The following CDIN1 variants were observed in gnomAD, a reference collection of about 807,000 sequenced individuals.
CDIN1 encodes the protein CDAN1-interacting nuclease 1.
CDIN1 carries 33 observed loss-of-function variants against 45.3 expected under a neutral mutation model. The ratio of observed to expected loss-of-function variants is 0.73; its 90% CI spans 0.55 to 0.97. The LOEUF is 0.97. CDIN1 is among the 50% of genes least tolerant of loss of function. CDIN1 has a pLI of 0.00. For synonymous variants in CDIN1, 118 were observed against 124.4 expected, an observed-to-expected ratio of 0.95 and a Z score of 0.34; for missense variants, 303 against 339.4, an observed-to-expected ratio of 0.89 and a Z score of 0.84.
chr15:36,648,219 T>G (rs543250007), intron 3 of CDIN1, among the ~76,000 whole-genome samples: 24 of 152,142 alleles, frequency 1.6e-4, no homozygotes. Context: ...CATTTTAGTC[T>G]TTTGTCAGCC....
chr15:36,666,984 G>A (rs933101178), intron 5 of CDIN1, among the ~76,000 whole-genome samples: 3 of 152,322 alleles, frequency 2.0e-5, no homozygotes, highest in East Asian at 3.9e-4. Context: ...GGCAACCGAG[G>A]TACCCAGAGC....
chr15:36,756,778 C>A (rs2053619745), intron 10 of CDIN1, among the ~76,000 whole-genome samples: 1 of 152,134 alleles, frequency 6.6e-6, no homozygotes, highest in African/African-American at 2.4e-5. Context: ...TAACCACACT[C>A]CCTTTCTTTC....
intron 10 of CDIN1, among the ~76,000 whole-genome samples, chr15:36,763,246 A>G (rs2053822784): frequency 6.6e-6 from 1 of 152,128 alleles, no homozygotes; most frequent in Non-Finnish European, 1.5e-5. Flanking sequence ...ATGGCCAGGG[A>G]TGATGAGCAT....
At chr15:36,752,911 G>A (rs2053513767) in intron 10 of CDIN1, among the ~76,000 whole-genome samples, 1 of 152,190 alleles carries the variant, frequency 6.6e-6, no homozygotes. Flanking sequence ...TGTCAATTGT[G>A]AGATTGATGG....
intron 10 of CDIN1, among the ~76,000 whole-genome samples, chr15:36,787,506 G>A (rs1471027271): frequency 6.6e-6 from 1 of 152,160 alleles, no homozygotes; most frequent in Non-Finnish European, 1.5e-5. Context: ...ATAGTCACTT[G>A]TATACAGTTT....
intron 10 of CDIN1, among the ~76,000 whole-genome samples, chr15:36,774,411 A>G (rs951567677): frequency 6.6e-6 from 1 of 152,112 alleles, no homozygotes; most frequent in Non-Finnish European, 1.5e-5. Flanking sequence ...CTAAAATTTT[A>G]AAAGTAATTC....
At chr15:36,628,001 T>TA (rs1417400360) in intron 1 of CDIN1, among the ~76,000 whole-genome samples, 1 of 151,828 alleles carries the variant, frequency 6.6e-6, no homozygotes, top group African/African-American at 2.4e-5. Context: ...CTGGCTACAG[T>TA]AAATGTGTGA....
At chr15:36,622,155 C>T (rs1372677787) in intron 1 of CDIN1, among the ~76,000 whole-genome samples, 1 of 152,114 alleles carries the variant, frequency 6.6e-6, no homozygotes, top group Non-Finnish European at 1.5e-5. Flanking sequence ...TGATCTTTTT[C>T]ATTGTGCTTA....
intron 8 of CDIN1, among the ~76,000 whole-genome samples, chr15:36,700,236 C>T (rs2042582969): frequency 6.6e-6 from 1 of 152,084 alleles, no homozygotes; most frequent in Non-Finnish European, 1.5e-5. Context: ...CTAGTTAGTA[C>T]AAAGTGATTG....
chr15:36,645,708 A>G (rs1422144362), intron 3 of CDIN1, among the ~76,000 whole-genome samples: 1 of 152,108 alleles, frequency 6.6e-6, no homozygotes, highest in Non-Finnish European at 1.5e-5. Context: ...AAAAAAGAAG[A>G]TTGAATTTGG....
intron 10 of CDIN1, among the ~76,000 whole-genome samples, chr15:36,775,319 C>T (rs2054191599): frequency 1.3e-5 from 2 of 152,214 alleles, no homozygotes; most frequent in Non-Finnish European, 2.9e-5. Context: ...GATCATGTTG[C>T]ATTTTAATTT....
At position 36,707,616 on chromosome 15, in the gene CDIN1, T is replaced by A. The variant is rs192495558; in HGVS notation, c.545-1607T>A. 5 of 152,318 alleles carry A rather than the reference T, an allele frequency of 3.3e-5. No homozygotes were observed. In the East Asian group the frequency reaches 9.7e-4, roughly 29 times the overall value. 9.4% of individuals were successfully genotyped at this position (152,318 alleles called of 1,614,324 possible). ...TTTTGCACTGTTATCAGAAACGTAA[T>A]CATTTTTCTTTCTGAAGCAGATTTT... On this transcript the variant is annotated intron_variant, in intron 8 of 10. Coordinates refer to ENST00000566621, the MANE Select transcript of CDIN1 (RefSeq NM_001321759.2).
At chr15:36,738,843 G>A (rs575469154) in intron 10 of CDIN1, among the ~76,000 whole-genome samples, 1 of 152,238 alleles carries the variant, frequency 6.6e-6, no homozygotes, top group South Asian at 2.1e-4. Context: ...AGGGATTTTT[G>A]TCTGTTTTGT....
intron 10 of CDIN1, among the ~76,000 whole-genome samples, chr15:36,797,185 A>G (rs1463592523): frequency 6.6e-6 from 1 of 152,240 alleles, no homozygotes; most frequent in Non-Finnish European, 1.5e-5. Flanking sequence ...TGTGTCATAT[A>G]CAAATACAGT....
intron 1 of CDIN1, among the ~76,000 whole-genome samples, chr15:36,593,342 A>G (rs1006194576): frequency 6.6e-6 from 1 of 152,180 alleles, no homozygotes; most frequent in African/African-American, 2.4e-5. Context: ...GAAGGGGGTT[A>G]TGCATTTATG....
At chr15:36,727,527 A>C (rs181676823) in intron 10 of CDIN1, among the ~76,000 whole-genome samples, 85 of 152,258 alleles carry the variant, frequency 5.6e-4, no homozygotes, top group Admixed American at 3.2e-3. Context: ...ATGGCTAGAG[A>C]ATCAGTGGAC....
At chr15:36,710,376 A>T (rs139428866) in intron 10 of CDIN1, among the ~76,000 whole-genome samples, 145 of 152,320 alleles carry the variant, frequency 9.5e-4, no homozygotes, top group Middle Eastern at 3.4e-3. Flanking sequence ...AAAGATGGAA[A>T]TAATACACCT....
intron 1 of CDIN1, among the ~76,000 whole-genome samples, chr15:36,619,755 C>T (rs560348814): frequency 2.0e-5 from 3 of 151,970 alleles, no homozygotes; most frequent in African/African-American, 4.8e-5. Context: ...TAAAGTTTGG[C>T]GTGGAGAATG....
intron 10 of CDIN1, among the ~76,000 whole-genome samples, chr15:36,736,254 C>T (rs1420781785): frequency 6.6e-6 from 1 of 152,146 alleles, no homozygotes; most frequent in Non-Finnish European, 1.5e-5. Context: ...CTTCTTATTA[C>T]ACTTCTTCCT....
Sources: gnomAD v4.1 joint callset for allele counts (sites outside exome capture counted in the v4.1 genomes callset) on GRCh38, gnomAD v4.1.1 for gene constraint, MANE v1.5 for transcripts, NCBI Gene and HGNC (gene_info 2026-07-23, HGNC 2026-07-21) for gene names.